Variants in EVC observed in about 807,000 individuals in gnomAD.
The protein encoded by EVC is evC complex member EVC.
In EVC, 116 loss-of-function variants were observed where a neutral mutation model predicts 118.9. The ratio of observed to expected loss-of-function variants is 0.98; its 90% CI spans 0.84 to 1.14. The LOEUF is 1.14. EVC is among the 50% of genes most tolerant of loss of function. The probability of loss-of-function intolerance (pLI) is 0.00; values close to 1 mark genes in which losing one functional copy is unlikely to be tolerated. For synonymous variants in EVC, 619 were observed against 534.7 expected (o/e 1.16, Z -2.18); for missense variants, 1,401 against 1,246.4 (o/e 1.12, Z -1.87).
At chr4:5,711,826 C>A (rs1723082373) in intron 1 of EVC, among the ~76,000 whole-genome samples, 1 of 152,230 alleles carries the variant, frequency 6.6e-6, no homozygotes, top group South Asian at 2.1e-4. Flanking sequence ...CCTCGGTCTC[C>A]TCATCTGCAG....
chr4:5,719,219 A>AC lies in EVC; in HGVS notation c.175-24dup, dbSNP rs1311340690. On this transcript the variant is annotated intron_variant, in intron 1 of 20. Transcript: ENST00000264956. This position sits in a 1 kb window ranked among gnomAD's most constrained non-coding sequence, Gnocchi z 4.7. ...TGACCTCAATGTTGTGTTTCTATCCACCCCCAACTCCTGACCTTCGGGTTT... is the reference window on the plus strand; with the variant it reads ...TGACCTCAATGTTGTGTTTCTATCCACCCCCCAACTCCTGACCTTCGGGTTT... The AC allele has an allele frequency of 3.1e-5, 50 of 1,613,778 alleles. No homozygotes were observed. Among genetic ancestry groups the AC allele is most frequent in the Non-Finnish European group, 4.2e-5 (49 of 1,179,878 alleles).
rs372089496 is a variant in EVC, at chr4:5,797,123, G to C, written c.1988G>C (p.Arg663Pro). ...GCCCTGGCCACCCTGACGCAGATGC[G>C]GCTATCGGGGAAGAAGCACCTCCTG... ...GNALATLTQM[R>P]LSGKKHLLQE... Residue 663 changes from arginine (R) to proline (P), a missense_variant, in exon 14 of 21, where the codon CGG (arginine) becomes CCG (proline). Physicochemically the swap from Arg to Pro is moderately radical, Grantham distance 103. Transcript: ENST00000264956. 1.3e-5 allele frequency: 21 copies of C among 1,613,478 alleles called. No individual in the cohort carries two copies. The highest frequency in any genetic ancestry group is 1.6e-4 in the Middle Eastern group (1 of 6,084).
chr4:5,776,588 C>A (rs780080687), intron 11 of EVC, among the ~76,000 whole-genome samples: 8 of 152,150 alleles, frequency 5.3e-5, no homozygotes, highest in Non-Finnish European at 1.0e-4. Flanking sequence ...TCAAATACTG[C>A]TTCTACCCAG....
chr4:5,740,436 A>C (rs1728345542), intron 5 of EVC, among the ~76,000 whole-genome samples: 1 of 149,780 alleles, frequency 6.7e-6, no homozygotes, highest in African/African-American at 2.5e-5. Context: ...GCACCACTGC[A>C]CTCTAGCCTG....
At chr4:5,787,044 T>C (rs1478258620) in intron 12 of EVC, among the ~76,000 whole-genome samples, 1 of 152,206 alleles carries the variant, frequency 6.6e-6, no homozygotes, top group Admixed American at 6.5e-5. Flanking sequence ...CGACTACAAA[T>C]TGCCTTTCCC....
In EVC at chr4:5,778,667, G is replaced by C. The variant is rs1247581935; in HGVS notation, c.1564-4885G>C. On this transcript the variant is annotated intron_variant, in intron 11 of 20. Coordinates refer to ENST00000264956, the MANE Select transcript of EVC (RefSeq NM_153717.3). Reference sequence around the variant, plus strand: ...TGAGAAGTGTCTGTTCATGTCCTTCGCCCACTTTTTGATGGGGTTGTTTGT... The same window carrying C: ...TGAGAAGTGTCTGTTCATGTCCTTCCCCCACTTTTTGATGGGGTTGTTTGT... Among the ~76,000 whole-genome samples, 33 of 152,130 alleles carry C rather than the reference G, an allele frequency of 2.2e-4. No homozygotes were observed. The East Asian group carries it at 6.2e-3, about 29-fold the overall frequency.
chr4:5,751,982 C>T (rs528012699), intron 8 of EVC, among the ~76,000 whole-genome samples: 1 of 152,278 alleles, frequency 6.6e-6, no homozygotes, highest in East Asian at 1.9e-4. Context: ...GGGTTTGGGG[C>T]CATGGCTGAC....
rs183945210 is a variant in EVC, at chr4:5,747,088, G to C, written c.940-1060G>C. ...TCCCTCCTGGCAGGGATGAGAGGAG[G>C]AGCAGCATGTATGGGGTTTACTGGG... On this transcript the variant is annotated intron_variant, in intron 7 of 20. Coordinates refer to ENST00000264956, the MANE Select transcript of EVC (RefSeq NM_153717.3). Among the ~76,000 whole-genome samples, 373 of 152,194 alleles carry C rather than the reference G, an allele frequency of 2.5e-3. 1 individual carries two copies. Among genetic ancestry groups the C allele is most frequent in the Admixed American group, 4.9e-3 (75 of 15,300 alleles).
Position 5,811,548 on chromosome 4 carries a change from C to T in EVC, c.*511C>T, listed in dbSNP as rs1267848456. ...TCTTCCGGACAGTAGACACCCTGCCCGTGCAGAGAGATGTCATGGGGGCAC... is the reference window on the plus strand; with the variant it reads ...TCTTCCGGACAGTAGACACCCTGCCTGTGCAGAGAGATGTCATGGGGGCAC... On this transcript the variant is annotated 3_prime_UTR_variant, in exon 21 of 21. Transcript: ENST00000264956. 1.6e-5 allele frequency: 3 copies of T among 186,424 alleles called. No individual in the cohort carries two copies. The highest frequency in any genetic ancestry group is 3.4e-5 in the Non-Finnish European group (3 of 89,198). 11.5% of individuals were successfully genotyped at this position (186,424 alleles called of 1,614,324 possible).
intron 2 of EVC, among the ~76,000 whole-genome samples, chr4:5,728,551 T>A (rs1726240255): frequency 6.6e-6 from 1 of 152,204 alleles, no homozygotes; most frequent in African/African-American, 2.4e-5. Context: ...TTTTCCTAAT[T>A]GAATACCCTT....
At chr4:5,787,278 C>T (rs1217705480) in intron 12 of EVC, among the ~76,000 whole-genome samples, 1 of 152,198 alleles carries the variant, frequency 6.6e-6, no homozygotes, top group Admixed American at 6.5e-5. Context: ...CCCTAAAACC[C>T]GTGAATATGT....
Position 5,789,984 on chromosome 4 carries a change from C to T in EVC, c.1777-3624C>T, listed in dbSNP as rs1173904167. On this transcript the variant is annotated intron_variant, in intron 12 of 20. Transcript: ENST00000264956. The surrounding 1 kb of genome is among the most constrained non-coding windows in gnomAD (Gnocchi z 4.3). ...TCACCTGAGATCAAGAGTTCGAGAC[C>T]AGCCTGGCCTACATAGCGAAACCCC... Among the ~76,000 whole-genome samples the T allele has an allele frequency of 6.6e-6, 1 of 152,036 alleles. No individual in the cohort carries two copies. The highest frequency in any genetic ancestry group is 2.4e-5 in the African/African-American group (1 of 41,382).
In EVC at chr4:5,719,425, A is replaced by G. The variant is rs756295746; in HGVS notation, c.300+52A>G. 1.2e-6 allele frequency: 2 copies of G among 1,612,940 alleles called. No homozygotes were observed. The highest frequency in any genetic ancestry group is 1.7e-6 in the Non-Finnish European group (2 of 1,179,724). ...TGGAGGCACATGTGGGAGGTGGGGT[A>G]TTCCCCCTGGAAGCCGGGTGTCATG... On this transcript the variant is annotated intron_variant, in intron 2 of 20. Coordinates refer to ENST00000264956, the MANE Select transcript of EVC (RefSeq NM_153717.3). The surrounding 1 kb of genome is among the most constrained non-coding windows in gnomAD (Gnocchi z 4.7).
At chr4:5,778,538 G>C (rs1735075563) in intron 11 of EVC, among the ~76,000 whole-genome samples, 1 of 152,104 alleles carries the variant, frequency 6.6e-6, no homozygotes, top group South Asian at 2.1e-4. Flanking sequence ...ATTCTAACTG[G>C]TGTGAGATGA....
chr4:5,721,568 G>A (rs1012646389), intron 2 of EVC, among the ~76,000 whole-genome samples: 2 of 152,160 alleles, frequency 1.3e-5, no homozygotes, highest in African/African-American at 2.4e-5. Flanking sequence ...CCATGAAAAT[G>A]TTCTAAAGTT....
At position 5,764,854 on chromosome 4, in the gene EVC, C is replaced by A. The variant is rs1341739798; in HGVS notation, c.1563+8492C>A. ...TTTGTTGATCCTTTCAAAAAACCAG[C>A]TCCTGGATTCATTAATTTTTTGAAG... On this transcript the variant is annotated intron_variant, in intron 11 of 20. Transcript: ENST00000264956. Among the ~76,000 whole-genome samples, 4 of 144,692 alleles carry A rather than the reference C, an allele frequency of 2.8e-5. No homozygotes were observed. In the East Asian group the frequency reaches 6.1e-4, roughly 22 times the overall value. The allele number at this position is 144,692 out of a possible 152,430, so 94.9% of individuals were successfully genotyped here.
At chr4:5,747,475 A>T (rs28706709) in intron 7 of EVC, among the ~76,000 whole-genome samples, 26,515 of 152,132 alleles carry the variant, frequency 0.17, 2,457 homozygotes, top group South Asian at 0.22. Flanking sequence ...CTTTATCATG[A>T]TATCAAATGT....
At chr4:5,824,830 C>T in the EVC span, 8 of 985,398 alleles carry the variant, frequency 8.1e-6, no homozygotes, top group Admixed American at 1.2e-4. Flanking sequence ...ACTTTCTCAA[C>T]GTGTGCGTGC....
At chr4:5,783,861 A>ACAATAGGCAC in intron 12 of EVC, 97 bp downstream of exon 12, 1 of 1,136,624 alleles carries the variant, frequency 8.8e-7, no homozygotes, top group Non-Finnish European at 1.3e-6. Flanking sequence ...ACTAGTGCCT[A>ACAATAGGCAC]TTGTAGGTGC....
Sources: allele counts gnomAD v4.1 joint callset (sites outside exome capture counted in the v4.1 genomes callset), GRCh38; gene constraint gnomAD v4.1.1; non-coding constraint Gnocchi (gnomAD v3.1); transcripts MANE v1.5; gene names NCBI Gene and HGNC (gene_info 2026-07-23, HGNC 2026-07-21).